Variants in DRC11 observed in about 807,000 individuals in gnomAD.
The protein encoded by DRC11 is dynein regulatory complex subunit 11.
the DRC11 span, chr2:236,419,150 T>G: frequency 6.6e-7 from 1 of 1,519,696 alleles, no homozygotes; most frequent in Non-Finnish European, 8.8e-7. The surrounding 1 kb of genome is among the most constrained non-coding windows in gnomAD (Gnocchi z 4.8). Context: ...ATATTTTACC[T>G]TATTTTTCTC....
At chr2:236,378,531 T>G in the DRC11 span, among the ~76,000 whole-genome samples, 1 of 151,896 alleles carries the variant, frequency 6.6e-6, no homozygotes, top group Admixed American at 6.6e-5. Context: ...AAAAATTAGC[T>G]GGGCCTGGTG....
At chr2:236,458,556 G>C in the DRC11 span, among the ~76,000 whole-genome samples, 1 of 152,158 alleles carries the variant, frequency 6.6e-6, no homozygotes, top group African/African-American at 2.4e-5. Flanking sequence ...ACCCCAATAA[G>C]TAATTTGTGG....
the DRC11 span, among the ~76,000 whole-genome samples, chr2:236,370,979 T>C: frequency 2.6e-5 from 4 of 152,142 alleles, no homozygotes; most frequent in African/African-American, 4.8e-5. This position sits in a 1 kb window ranked among gnomAD's most constrained non-coding sequence, Gnocchi z 5.5. Flanking sequence ...GGGAGTTCAA[T>C]GGTGTTGAGG....
At chr2:236,489,109 C>G in the DRC11 span, among the ~76,000 whole-genome samples, 1 of 117,166 alleles carries the variant, frequency 8.5e-6, no homozygotes, top group Non-Finnish European at 1.7e-5. Flanking sequence ...GCAGGTGAGG[C>G]CTGTGTGGGC....
chr2:236,447,376 T>G, the DRC11 span, among the ~76,000 whole-genome samples: 4 of 151,606 alleles, frequency 2.6e-5, no homozygotes, highest in Non-Finnish European at 4.4e-5. This position sits in a 1 kb window ranked among gnomAD's most constrained non-coding sequence, Gnocchi z 4.6. Flanking sequence ...GAAGAGACGC[T>G]GGGAGCTGGC....
the DRC11 span, among the ~76,000 whole-genome samples, chr2:236,498,592 C>T: frequency 2.6e-5 from 4 of 152,104 alleles, no homozygotes; most frequent in Admixed American, 2.6e-4. Context: ...AAGAGGAAGC[C>T]AGAGAGCAGA....
the DRC11 span, among the ~76,000 whole-genome samples, chr2:236,422,696 A>G: frequency 1.3e-5 from 2 of 152,176 alleles, no homozygotes; most frequent in Non-Finnish European, 2.9e-5. Context: ...AATTAGAAAA[A>G]ACTACTTTAA....
At chr2:236,458,844 G>A in the DRC11 span, among the ~76,000 whole-genome samples, 2 of 152,158 alleles carry the variant, frequency 1.3e-5, no homozygotes, top group South Asian at 4.1e-4. Flanking sequence ...TCAGGAGTTT[G>A]AGACCAGCTG....
the DRC11 span, among the ~76,000 whole-genome samples, chr2:236,356,180 A>G: frequency 6.6e-6 from 1 of 152,164 alleles, no homozygotes. Flanking sequence ...AAGAATGTCC[A>G]GGGGCAGAGA....
the DRC11 span, among the ~76,000 whole-genome samples, chr2:236,444,652 G>C: frequency 6.6e-6 from 1 of 152,148 alleles, no homozygotes; most frequent in African/African-American, 2.4e-5. Flanking sequence ...ACACTGAACT[G>C]TCATCTCACT....
chr2:236,437,593 TC>T, the DRC11 span, among the ~76,000 whole-genome samples: 1 of 150,136 alleles, frequency 6.7e-6, no homozygotes, highest in Admixed American at 6.6e-5. Context: ...CCACATCCTC[TC>T]CAGCACCTGT....
At chr2:236,462,619 C>T in the DRC11 span, among the ~76,000 whole-genome samples, 2 of 152,002 alleles carry the variant, frequency 1.3e-5, no homozygotes, top group Admixed American at 6.6e-5. This position sits in a 1 kb window ranked among gnomAD's most constrained non-coding sequence, Gnocchi z 6.4. Flanking sequence ...TGCAGTGAGC[C>T]GAGATCACAT....
the DRC11 span, chr2:236,343,633 G>A: frequency 3.1e-6 from 3 of 961,046 alleles, no homozygotes; most frequent in African/African-American, 5.1e-5. This position sits in a 1 kb window ranked among gnomAD's most constrained non-coding sequence, Gnocchi z 6.6. Flanking sequence ...ACGAAACACT[G>A]CCCTGCATTT....
the DRC11 span, among the ~76,000 whole-genome samples, chr2:236,388,601 G>A: frequency 1.2e-4 from 17 of 146,734 alleles, no homozygotes; most frequent in Non-Finnish European, 2.6e-4. Context: ...TTTGCCTTTG[G>A]TTTGAATGTC....
the DRC11 span, among the ~76,000 whole-genome samples, chr2:236,449,755 G>T: frequency 2.0e-5 from 3 of 152,220 alleles, no homozygotes; most frequent in South Asian, 6.2e-4. The surrounding 1 kb of genome is among the most constrained non-coding windows in gnomAD (Gnocchi z 5.1). Context: ...TATTTTAAAT[G>T]GGAAAATTGA....
chr2:236,507,438 A>G, the DRC11 span: 7 of 678,128 alleles, frequency 1.0e-5, no homozygotes, highest in Non-Finnish European at 1.8e-5. Flanking sequence ...CGGGCAGGAA[A>G]AGGTGAGGCC....
At chr2:236,354,293 G>A in the DRC11 span, among the ~76,000 whole-genome samples, 3 of 152,038 alleles carry the variant, frequency 2.0e-5, no homozygotes, top group African/African-American at 7.2e-5. Context: ...TTATGTTAGT[G>A]TGTACATGTG....
the DRC11 span, chr2:236,331,547 A>T: frequency 2.5e-6 from 4 of 1,614,020 alleles, no homozygotes; most frequent in Non-Finnish European, 3.4e-6. This position sits in a 1 kb window ranked among gnomAD's most constrained non-coding sequence, Gnocchi z 4.8. Flanking sequence ...CTGACATTCA[A>T]GGCACTGGTG....
the DRC11 span, among the ~76,000 whole-genome samples, chr2:236,457,905 C>G: frequency 2.6e-5 from 4 of 152,182 alleles, no homozygotes; most frequent in African/African-American, 9.7e-5. The surrounding 1 kb of genome is among the most constrained non-coding windows in gnomAD (Gnocchi z 4.7). Context: ...TTTAAGCCAC[C>G]AAGTTGGTGT....
Sources: gnomAD v4.1 joint callset for allele counts (sites outside exome capture counted in the v4.1 genomes callset) on GRCh38, gnomAD v4.1.1 for gene constraint, Gnocchi (gnomAD v3.1) non-coding constraint, MANE v1.5 for transcripts, NCBI Gene and HGNC (gene_info 2026-07-23, HGNC 2026-07-21) for gene names.